ITIH5: variants seen among roughly 807,000 people sequenced by gnomAD.
The protein encoded by ITIH5 is inter-alpha-trypsin inhibitor heavy chain 5, also known as inter-alpha-trypsin inhibitor heavy chain H5.
ITIH5 carries 65 observed loss-of-function variants against 77.5 expected under a neutral mutation model. The ratio of observed to expected loss-of-function variants is 0.84; its 90% CI spans 0.69 to 1.03. The LOEUF (loss-of-function observed/expected upper bound fraction) is 1.03, where lower values mean the gene tolerates loss of function less well. Ranked by LOEUF, ITIH5 falls within the 50% of genes least tolerant of loss-of-function variation. The pLI is 0.00. For synonymous variants in ITIH5, 525 were observed against 494.3 expected, an observed-to-expected ratio of 1.06 and a Z score of -0.82; for missense variants, 1,208 against 1,213.1, an observed-to-expected ratio of 1.00 and a Z score of 0.06.
intron 1 of ITIH5, among the ~76,000 whole-genome samples, chr10:7,660,588 AC>A (rs1588434143): frequency 1.3e-5 from 2 of 152,130 alleles, no homozygotes; most frequent in African/African-American, 4.8e-5. Flanking sequence ...GGGAAAAAAA[AC>A]CTGCCAGTGC....
chr10:7,620,478 G>A (rs1391789953), intron 5 of ITIH5: 1 of 152,224 alleles, frequency 6.6e-6, no homozygotes, highest in East Asian at 1.9e-4. Flanking sequence ...TAATTTTGAG[G>A]AAGGGTGAAA....
chr10:7,650,335 C>A (rs1588428358), intron 2 of ITIH5, among the ~76,000 whole-genome samples: 1 of 152,354 alleles, frequency 6.6e-6, no homozygotes, highest in African/African-American at 2.4e-5. Flanking sequence ...CTTTAGAAAT[C>A]ATCTAACTCT....
At chr10:7,594,359 C>T (rs1832853419) in intron 7 of ITIH5, among the ~76,000 whole-genome samples, 1 of 152,142 alleles carries the variant, frequency 6.6e-6, no homozygotes, top group South Asian at 2.1e-4. Context: ...CACTGGGCAC[C>T]CCAGGAAGCC....
Position 7,666,879 on chromosome 10 carries a change from A to G in ITIH5, c.14T>C (p.Leu5Pro). The G allele has an allele frequency of 6.3e-7, 1 of 1,593,706 alleles. No homozygotes were observed. The highest frequency in any genetic ancestry group is 1.1e-5 in the South Asian group (1 of 88,632). The stretch of plus-strand genomic sequence containing the variant: ...CAGGGACAGCCCCAGGCACAGCCCC[A>G]GCAGCAGGAGCATGGCGGGGCGAGG... Reference protein sequence around the residue: MLLLLGLCLGLSLCV... With the variant: MLLLPGLCLGLSLCV... Residue 5 changes from leucine (L) to proline (P), a missense_variant, in exon 1 of 14, where the codon CTG becomes CCG. Physicochemically the swap from Leu to Pro is moderately conservative, Grantham distance 98. Transcript: ENST00000397146.
chr10:7,618,563 A>G (rs1048918423), intron 5 of ITIH5: 2 of 152,236 alleles, frequency 1.3e-5, no homozygotes, highest in Non-Finnish European at 2.9e-5. Flanking sequence ...CCTGGAGAAC[A>G]TGAAAACATA....
chr10:7,616,139 G>T, intron 6 of ITIH5, 41 bp from the exon 7 acceptor site: 1 of 1,189,138 alleles, frequency 8.4e-7, no homozygotes, highest in Non-Finnish European at 1.3e-6. Flanking sequence ...AGTACCTAGA[G>T]CGGGGAGCAA....
At chr10:7,645,719 A>G (rs1052401844) in intron 2 of ITIH5, among the ~76,000 whole-genome samples, 4 of 152,204 alleles carry the variant, frequency 2.6e-5, no homozygotes, top group African/African-American at 9.7e-5. Flanking sequence ...ATGGAAACCT[A>G]GTCTCTTCAG....
chr10:7,583,417 C>T (rs1045289794), intron 8 of ITIH5, among the ~76,000 whole-genome samples: 7 of 152,212 alleles, frequency 4.6e-5, no homozygotes, highest in Admixed American at 2.0e-4. Context: ...ACTACAACCT[C>T]CGCCTCCCAG....
rs1200106977 is a variant in ITIH5, at chr10:7,656,752, T to C, written c.91-1077A>G. The stretch of plus-strand genomic sequence containing the variant: ...AGACTTCATGTCTATTTTTCTTTTT[T>C]TTTTTTTTTTTGAGACGGTCTCGCT... On this transcript the variant is annotated intron_variant, in intron 1 of 13. Coordinates refer to ENST00000397146, the MANE Select transcript of ITIH5 (RefSeq NM_030569.7). 2.0e-5 allele frequency among the ~76,000 whole-genome samples: 3 copies of C among 150,244 alleles called. No homozygotes were observed. The South Asian group carries it at 6.3e-4, about 32-fold the overall frequency.
chr10:7,600,184 T>A (rs1227097557), intron 7 of ITIH5, among the ~76,000 whole-genome samples: 2 of 152,180 alleles, frequency 1.3e-5, no homozygotes, highest in Admixed American at 6.5e-5. Context: ...GCCTCAGAAC[T>A]AAGTTCTAGC....
intron 7 of ITIH5, among the ~76,000 whole-genome samples, chr10:7,601,109 T>A (rs1833006312): frequency 6.6e-6 from 1 of 152,144 alleles, no homozygotes; most frequent in African/African-American, 2.4e-5. Context: ...AATTTTAATT[T>A]GGCTCCCCTC....
intron 7 of ITIH5, among the ~76,000 whole-genome samples, chr10:7,594,261 G>A (rs1288084521): frequency 1.3e-5 from 2 of 152,194 alleles, no homozygotes; most frequent in Non-Finnish European, 2.9e-5. Context: ...AGGAAGAGCT[G>A]TAGACTCTTC....
At chr10:7,649,728 T>C (rs893270331) in intron 2 of ITIH5, among the ~76,000 whole-genome samples, 2 of 152,132 alleles carry the variant, frequency 1.3e-5, no homozygotes, top group African/African-American at 4.8e-5. Context: ...TCACAGCACA[T>C]TCCCAGATCA....
intron 7 of ITIH5, among the ~76,000 whole-genome samples, chr10:7,597,321 C>T (rs572816799): frequency 6.6e-5 from 10 of 152,242 alleles, no homozygotes; most frequent in South Asian, 2.1e-4. Context: ...GTCCTCAGTG[C>T]CCCTTGGTGG....
rs1290746352 is a variant in ITIH5 at position 7,572,122 on chromosome 10, T to C, written c.2032+1020A>G. The C allele has an allele frequency of 2.8e-6, 3 of 1,073,616 alleles. 1 individual carries two copies. Among genetic ancestry groups the C allele is most frequent in the South Asian group, 5.3e-5 (2 of 37,622 alleles). The allele number at this position is 1,073,616 out of a possible 1,614,324, so 66.5% of individuals were successfully genotyped here. A position where few individuals can be genotyped will look rare whatever the true frequency, so the allele number is the denominator to read the frequency against. On this transcript the variant is annotated intron_variant, in intron 11 of 13. Coordinates refer to ENST00000397146, the MANE Select transcript of ITIH5 (RefSeq NM_030569.7). ...TGGCATTCCATAAAGCCTGTGTGTG[T>C]GTGTTGGAAGGAATTACATTCTGTC...
rs1401140081 is a variant in ITIH5, at chr10:7,617,176, T to A, written c.759A>T (p.Gly253=). ...VVQQARIAQN[G]ILGDFIIRYD... ...ATCTAATGATAAAGTCTCCCAAAAT[T>A]CCATTCTGGGCAATCCTGGCTTGTT... Residue 253 remains glycine, a synonymous_variant, in exon 6 of 14, where the codon GGA becomes GGT. Transcript: ENST00000397146. The A allele has an allele frequency of 1.9e-6, 3 of 1,605,752 alleles. No homozygotes were observed.
intron 8 of ITIH5, among the ~76,000 whole-genome samples, chr10:7,583,332 C>A (rs1378332049): frequency 6.6e-6 from 1 of 152,102 alleles, no homozygotes; most frequent in Admixed American, 6.6e-5. Flanking sequence ...ATTTGCCTTT[C>A]TTTTGTTTGT....
At chr10:7,573,061 A>G in intron 11 of ITIH5, 81 bp downstream of exon 11, 1 of 1,324,808 alleles carries the variant, frequency 7.5e-7, no homozygotes, top group Non-Finnish European at 1.1e-6. Context: ...TACAGGCGTG[A>G]GCCAGTACAC....
intron 7 of ITIH5, among the ~76,000 whole-genome samples, chr10:7,593,409 C>A (rs7093617): frequency 0.018 from 1,515 of 82,846 alleles, 13 homozygotes; most frequent in African/African-American, 0.043. Context: ...ACCCCTGCAG[C>A]CTGCAGCCAC....
Sources: allele counts gnomAD v4.1 joint callset (sites outside exome capture counted in the v4.1 genomes callset), GRCh38; gene constraint gnomAD v4.1.1; transcripts MANE v1.5; gene names NCBI Gene and HGNC (gene_info 2026-07-23, HGNC 2026-07-21).